Variants in GRID2IP observed in about 807,000 individuals in gnomAD.
The protein encoded by GRID2IP is Grid2 interacting protein.
GRID2IP carries 78 observed loss-of-function variants against 114.3 expected under a neutral mutation model. The observed-to-expected ratio is 0.68, with a 90% confidence interval of 0.57 to 0.82. The LOEUF (loss-of-function observed/expected upper bound fraction) is 0.82. Ranked by LOEUF, GRID2IP falls within the 40% of genes least tolerant of loss-of-function variation. GRID2IP has a pLI of 0.00. For synonymous variants in GRID2IP, 809 were observed against 724.0 expected, an observed-to-expected ratio of 1.12 and a Z score of -1.89; for missense variants, 1,727 against 1,678.5, an observed-to-expected ratio of 1.03 and a Z score of -0.51.
chr7:6,510,496 C>T, intron 10 of GRID2IP, 96 bp from the exon 11 acceptor site: 1 of 1,309,484 alleles, frequency 7.6e-7, no homozygotes, highest in Non-Finnish European at 1.0e-6. Context: ...GGGATATGCC[C>T]CAGCCTGAAG....
chr7:6,538,400 CAAAACAAGAA>C (rs1779762511), intron 2 of GRID2IP, among the ~76,000 whole-genome samples: 1 of 111,240 alleles, frequency 9.0e-6, no homozygotes, highest in South Asian at 2.7e-4. Context: ...CAAAACAAAA[CAAAACAAGAA>C]AAGTAATCAG....
chr7:6,498,018 C>T (rs1583329339), intron 21 of GRID2IP, 46 bp downstream of exon 21: 1 of 1,490,864 alleles, frequency 6.7e-7, no homozygotes, highest in Admixed American at 2.3e-5. Context: ...TGGCCTCTGG[C>T]CCCCACCTCT....
intron 8 of GRID2IP, 76 bp from the exon 9 acceptor site, chr7:6,511,115 G>C (rs374263678): frequency 2.3e-6 from 3 of 1,318,448 alleles, no homozygotes; most frequent in Admixed American, 4.0e-5. Context: ...AGGGAGGGGA[G>C]GGCAGATGTC....
At position 6,503,003 on chromosome 7, in the gene GRID2IP, C is replaced by T. The variant is rs1362533831; in HGVS notation, c.3063+5G>A. ...TAGGGTGCCAGGAAGGGTACGCCCA[C>T]TGACCTCCAGGATCTTGGCGAGCTT... On this transcript the variant is annotated splice_donor_5th_base_variant and intron_variant, in intron 17 of 21. Coordinates refer to ENST00000457091, the MANE Select transcript of GRID2IP (RefSeq NM_001145118.2). 1.3e-6 allele frequency: 2 copies of T among 1,551,432 alleles called. No individual in the cohort carries two copies. The highest frequency in any genetic ancestry group is 1.4e-5 in the African/African-American group (1 of 73,060).
At chr7:6,518,693 G>T (rs148736834) in intron 7 of GRID2IP, among the ~76,000 whole-genome samples, 1 of 151,808 alleles carries the variant, frequency 6.6e-6, no homozygotes, top group East Asian at 1.9e-4. Flanking sequence ...CCGAGAGCAC[G>T]CCACTGTACT....
rs1562513396 is a variant in GRID2IP, at chr7:6,508,104, A to T, written c.2425T>A (p.Cys809Ser). ...PPPPLPPPVP[C>S]APPMLSRGLG... The stretch of plus-strand genomic sequence containing the variant: ...CCCCGGGACAGCATGGGGGGTGCAC[A>T]GGGCACGGGTGGGGGCAGGGGCGGT... The change falls in exon 13 of 22, where the codon TGT (cysteine) becomes AGT (serine). Residue 809 changes from cysteine to serine, a missense_variant. Physicochemically the swap from Cys to Ser is moderately radical, Grantham distance 112 (BLOSUM62 -1). Coordinates refer to ENST00000457091, the MANE Select transcript of GRID2IP (RefSeq NM_001145118.2). The surrounding 1 kb of genome is among the most constrained non-coding windows in gnomAD (Gnocchi z 5.6). 1.2e-5 allele frequency: 10 copies of T among 841,382 alleles called. No homozygotes were observed. Among genetic ancestry groups the T allele is most frequent in the Middle Eastern group, 7.5e-4 (2 of 2,684 alleles). The allele number at this position is 841,382 out of a possible 1,614,324, so 52.1% of individuals were successfully genotyped here. A position where few individuals can be genotyped will look rare whatever the true frequency, so the allele number is the denominator to read the frequency against.
chr7:6,549,810 TGATAG>T (rs1779943630), intron 1 of GRID2IP, among the ~76,000 whole-genome samples: 1 of 151,506 alleles, frequency 6.6e-6, no homozygotes, highest in South Asian at 2.1e-4. Flanking sequence ...TTTATATTTT[TGATAG>T]TGATGGGATT....
At position 6,508,095 on chromosome 7, in the gene GRID2IP, G is replaced by A. The variant is rs1052029105; in HGVS notation, c.2434C>T (p.Pro812Ser). 209 of 1,543,224 alleles carry A rather than the reference G, an allele frequency of 1.4e-4. No homozygotes were observed. Among genetic ancestry groups the A allele is most frequent in the Non-Finnish European group, 1.8e-4 (203 of 1,145,470 alleles). Residue 812 changes from proline to serine, a missense_variant, in exon 13 of 22, where the codon CCC becomes TCC. Pro to Ser is a moderately conservative substitution (Grantham distance 74). Coordinates refer to ENST00000457091, the MANE Select transcript of GRID2IP (RefSeq NM_001145118.2). The surrounding 1 kb of genome is among the most constrained non-coding windows in gnomAD (Gnocchi z 5.6). ...PLPPPVPCAP[P>S]MLSRGLGHRR... ...TGGCCCAGGCCCCGGGACAGCATGG[G>A]GGGTGCACAGGGCACGGGTGGGGGC...
Position 6,536,798 on chromosome 7 carries a change from A to T in GRID2IP, c.584+2920T>A. The T allele has an allele frequency of 1.4e-6, 1 of 701,404 alleles. No individual in the cohort carries two copies. The allele number at this position is 701,404 out of a possible 1,614,324, so 43.4% of individuals were successfully genotyped here. On this transcript the variant is annotated intron_variant, in intron 2 of 21. Transcript: ENST00000457091. This position sits in a 1 kb window ranked among gnomAD's most constrained non-coding sequence, Gnocchi z 5.3. ...TTTTTTCCTTTTTTCCCCTCTTCTG[A>T]TTCTCCTAGCAAGGGGCTCACCCCT...
intron 1 of GRID2IP, among the ~76,000 whole-genome samples, chr7:6,542,957 G>A (rs1051506136): frequency 3.3e-5 from 5 of 152,118 alleles, no homozygotes; most frequent in Admixed American, 6.6e-5. Flanking sequence ...AGTCGTTCAC[G>A]TCTCCCTCTC....
At position 6,551,251 on chromosome 7, in the gene GRID2IP, G is replaced by C. The variant is rs1200862109; in HGVS notation, c.186C>G (p.Arg62=). The change falls in exon 1 of 22, where the codon CGC becomes CGG. Residue 62 remains arginine (R), a synonymous_variant. Transcript: ENST00000457091. ...GCCGTGCCAGGCGCACGAGGCGCTC[G>C]CGGCTCAGACCGCCCACCGCCAGCC... ...VEGLAVGGLS[R]ERLVRLARRC... The C allele has an allele frequency of 3.9e-6, 6 of 1,533,454 alleles. No homozygotes were observed. Among genetic ancestry groups the C allele is most frequent in the Non-Finnish European group, 5.2e-6 (6 of 1,145,014 alleles). The allele number at this position is 1,533,454 out of a possible 1,614,324, so 95.0% of individuals were successfully genotyped here. A position where few individuals can be genotyped will look rare whatever the true frequency, so the allele number is the denominator to read the frequency against.
chr7:6,504,577 C>T (rs1050318261), intron 15 of GRID2IP, among the ~76,000 whole-genome samples: 7 of 152,102 alleles, frequency 4.6e-5, no homozygotes, highest in Non-Finnish European at 8.8e-5. Flanking sequence ...GGGGCCAGAA[C>T]CGGGAAGTTG....
chr7:6,508,872 C>T lies in GRID2IP; in HGVS notation c.2127+86G>A. On this transcript the variant is annotated intron_variant, in intron 12 of 21. Transcript: ENST00000457091. The surrounding 1 kb of genome is among the most constrained non-coding windows in gnomAD (Gnocchi z 5.6). ...GGAAGATCCCAAGGGCAGCAGGCCC[C>T]TTGCGGGAGCCCAGGAACACTGTTG... 6.8e-7 allele frequency: 1 copy of T among 1,480,368 alleles called. No homozygotes were observed. Among genetic ancestry groups the T allele is most frequent in the Non-Finnish European group, 8.9e-7 (1 of 1,117,926 alleles). 91.7% of individuals were successfully genotyped at this position (1,480,368 alleles called of 1,614,324 possible).
intron 8 of GRID2IP, among the ~76,000 whole-genome samples, chr7:6,513,286 C>T (rs1779216755): frequency 6.6e-6 from 1 of 151,140 alleles, no homozygotes; most frequent in South Asian, 2.1e-4. Flanking sequence ...TTGATCATAG[C>T]TCACTGCAGC....
At chr7:6,513,146 G>C (rs1221796631) in intron 8 of GRID2IP, among the ~76,000 whole-genome samples, 1 of 152,196 alleles carries the variant, frequency 6.6e-6, no homozygotes, top group Non-Finnish European at 1.5e-5. Flanking sequence ...TACACTGGGA[G>C]CCCACCAGCC....
chr7:6,511,088 C>G, intron 8 of GRID2IP, 49 bp from the exon 9 acceptor site: 1 of 1,345,526 alleles, frequency 7.4e-7, no homozygotes, highest in Non-Finnish European at 9.6e-7. Context: ...CTCAGCCAGA[C>G]AAGGGACCTC....
chr7:6,499,424 T>TTTAA (rs200417170), intron 20 of GRID2IP, among the ~76,000 whole-genome samples: 1 of 152,160 alleles, frequency 6.6e-6, no homozygotes, highest in South Asian at 2.1e-4. Flanking sequence ...AGAGGCTGCC[T>TTTAA]TTAATTAATT....
chr7:6,551,022 C>G lies in GRID2IP; in HGVS notation c.415G>C (p.Glu139Gln). The change falls in exon 1 of 22, where the codon GAG (glutamate) becomes CAG (glutamine). Residue 139 changes from glutamate (E) to glutamine (Q), a missense_variant. Physicochemically the swap from Glu to Gln is conservative, Grantham distance 29. Coordinates refer to ENST00000457091, the MANE Select transcript of GRID2IP (RefSeq NM_001145118.2). ...VHRERRRKAQEFSRKVDEILG... is the reference protein window; with the variant it reads ...VHRERRRKAQQFSRKVDEILG... ...CCGCGCCTTACCTTGCGGCTGAACT[C>G]TTGGGCCTTGCGCCTGCGCTCTCGG... 1 of 1,229,242 alleles carries G rather than the reference C, an allele frequency of 8.1e-7. No individual in the cohort carries two copies. Among genetic ancestry groups the G allele is most frequent in the Non-Finnish European group, 1.0e-6 (1 of 986,972 alleles). The allele number at this position is 1,229,242 out of a possible 1,614,324, so 76.1% of individuals were successfully genotyped here.
chr7:6,497,830 G>A lies in GRID2IP; in HGVS notation c.3580C>T (p.Leu1194=). 2 of 1,550,300 alleles carry A rather than the reference G, an allele frequency of 1.3e-6. No individual in the cohort carries two copies. Among genetic ancestry groups the A allele is most frequent in the Non-Finnish European group, 1.7e-6 (2 of 1,146,804 alleles). ...MSKFERALSD[L]QAGEGLRSSG... ...CTGCGCAGGCCCTCCCCGGCCTGCAGGTCACTCAGCGCTCGCTGGGGAGGG... is the reference window on the plus strand; with the variant it reads ...CTGCGCAGGCCCTCCCCGGCCTGCAAGTCACTCAGCGCTCGCTGGGGAGGG... The change falls in exon 22 of 22, where the codon CTG becomes TTG. Residue 1194 remains leucine, a synonymous_variant. Transcript: ENST00000457091.
Sources: allele counts gnomAD v4.1 joint callset (sites outside exome capture counted in the v4.1 genomes callset), GRCh38; gene constraint gnomAD v4.1.1; non-coding constraint Gnocchi (gnomAD v3.1); transcripts MANE v1.5; gene names NCBI Gene and HGNC (gene_info 2026-07-23, HGNC 2026-07-21).